HTR7: variants seen among roughly 807,000 people sequenced by gnomAD.
The protein encoded by HTR7 is 5-HT-7.
In HTR7, 16 loss-of-function variants were observed where a neutral mutation model predicts 34.0. The observed-to-expected ratio is 0.47, with a 90% CI of 0.32 to 0.71. The LOEUF is 0.71. HTR7 is among the 30% of genes least tolerant of loss of function. HTR7 has a pLI of 0.04. For synonymous variants in HTR7, 265 were observed against 260.2 expected, an observed-to-expected ratio of 1.02 and a Z score of -0.18; for missense variants, 504 against 625.5, an observed-to-expected ratio of 0.81 and a Z score of 2.07.
At chr10:90,843,610 C>T (rs959030576) in intron 1 of HTR7, among the ~76,000 whole-genome samples, 1 of 151,152 alleles carries the variant, frequency 6.6e-6, no homozygotes, top group Non-Finnish European at 1.5e-5. Context: ...TGCCAAAATA[C>T]GGGGAGGAGA....
At chr10:90,783,090 T>C (rs1031999457) in intron 1 of HTR7, among the ~76,000 whole-genome samples, 1 of 152,224 alleles carries the variant, frequency 6.6e-6, no homozygotes, top group African/African-American at 2.4e-5. Context: ...CAATTACCAT[T>C]TGCATCTACT....
intron 1 of HTR7, among the ~76,000 whole-genome samples, chr10:90,773,381 T>G (rs1191203701): frequency 6.6e-6 from 1 of 152,202 alleles, no homozygotes; most frequent in Non-Finnish European, 1.5e-5. Context: ...TAGGATATTC[T>G]AATACAGACA....
At chr10:90,763,077 G>A (rs756561659) in intron 1 of HTR7, among the ~76,000 whole-genome samples, 3 of 152,034 alleles carry the variant, frequency 2.0e-5, no homozygotes, top group East Asian at 1.9e-4. Flanking sequence ...GTGATGCCTC[G>A]AGCTTTATTC....
chr10:90,793,006 A>G (rs760462352), intron 1 of HTR7, among the ~76,000 whole-genome samples: 7 of 152,174 alleles, frequency 4.6e-5, no homozygotes, highest in Non-Finnish European at 1.0e-4. Flanking sequence ...GACTTCTTGG[A>G]TATGACACCA....
chr10:90,788,246 C>T (rs1845411199), intron 1 of HTR7, among the ~76,000 whole-genome samples: 1 of 152,072 alleles, frequency 6.6e-6, no homozygotes, highest in African/African-American at 2.4e-5. Flanking sequence ...GATCTGATAA[C>T]CCCCCAGATT....
intron 1 of HTR7, among the ~76,000 whole-genome samples, chr10:90,779,983 C>G (rs1845280813): frequency 6.6e-6 from 1 of 152,152 alleles, no homozygotes; most frequent in Non-Finnish European, 1.5e-5. Flanking sequence ...TGCATGCAGG[C>G]TAGGTTAGAA....
intron 1 of HTR7, among the ~76,000 whole-genome samples, chr10:90,818,856 C>CT (rs1845936564): frequency 1.3e-5 from 2 of 152,198 alleles, no homozygotes; most frequent in Admixed American, 6.5e-5. Context: ...TCCTCCCTTG[C>CT]TGTTCTCATG....
chr10:90,744,470 C>T (rs533355385), intron 2 of HTR7, among the ~76,000 whole-genome samples: 1 of 151,454 alleles, frequency 6.6e-6, no homozygotes, highest in Admixed American at 6.6e-5. Flanking sequence ...ATTTTGATGA[C>T]TCCATTCCCC....
intron 1 of HTR7, among the ~76,000 whole-genome samples, chr10:90,823,801 T>TA (rs1433692201): frequency 6.6e-6 from 1 of 152,200 alleles, no homozygotes; most frequent in Non-Finnish European, 1.5e-5. Context: ...GTTCTCATGA[T>TA]AGAGTTCTCA....
chr10:90,785,904 T>C (rs1032666094), intron 1 of HTR7, among the ~76,000 whole-genome samples: 6 of 152,194 alleles, frequency 3.9e-5, no homozygotes, highest in African/African-American at 1.4e-4. Flanking sequence ...AAAGCAGCCA[T>C]GGTACTGCCA....
intron 1 of HTR7, among the ~76,000 whole-genome samples, chr10:90,769,866 T>C (rs1845079286): frequency 6.6e-6 from 1 of 152,168 alleles, no homozygotes; most frequent in Admixed American, 6.5e-5. Flanking sequence ...TAAATAAAAC[T>C]GAAAATCCCT....
intron 1 of HTR7, among the ~76,000 whole-genome samples, chr10:90,782,974 T>C (rs745815953): frequency 2.0e-5 from 3 of 152,300 alleles, no homozygotes; most frequent in Admixed American, 2.0e-4. Context: ...TAGTTTTTGG[T>C]GGAAGTGCCT....
intron 1 of HTR7, among the ~76,000 whole-genome samples, chr10:90,822,123 G>C (rs1845992773): frequency 6.6e-6 from 1 of 152,194 alleles, no homozygotes; most frequent in Non-Finnish European, 1.5e-5. Flanking sequence ...TTGGAACTGG[G>C]TAATAGGCAG....
chr10:90,824,598 C>A (rs569578873), intron 1 of HTR7, among the ~76,000 whole-genome samples: 8 of 152,334 alleles, frequency 5.3e-5, no homozygotes, highest in African/African-American at 1.9e-4. Flanking sequence ...CAGGCCTTGG[C>A]TCTTGGATTT....
chr10:90,832,589 G>T (rs1303730998), intron 1 of HTR7, among the ~76,000 whole-genome samples: 2 of 152,144 alleles, frequency 1.3e-5, no homozygotes, highest in Admixed American at 6.5e-5. Context: ...TGAGGGAGCT[G>T]GCTCCAGCCT....
chr10:90,846,274 C>A (rs980487903), intron 1 of HTR7, among the ~76,000 whole-genome samples: 1 of 152,058 alleles, frequency 6.6e-6, no homozygotes. Flanking sequence ...TTTGTGTGCC[C>A]ATCACATGAG....
In HTR7 at chr10:90,857,260, C is replaced by T; in HGVS notation, c.412G>A (p.Val138Ile). Residue 138 changes from valine to isoleucine, a missense_variant, in exon 1 of 4, where the codon GTC (valine) becomes ATC (isoleucine). Val to Ile is a conservative substitution (Grantham distance 29, BLOSUM62 3). Around this residue, in one of 4 missense-constraint regions of HTR7, gnomAD observed 154 missense variants for 248.8 expected, o/e 0.62. Transcript: ENST00000336152. The surrounding 1 kb of genome is among the most constrained non-coding windows in gnomAD (Gnocchi z 6.5). ...CCCCCGATGAGGTCGGTGACGCTGACGAAGGGCATGACCGCCACAGCCACC... is the reference window on the plus strand; with the variant it reads ...CCCCCGATGAGGTCGGTGACGCTGATGAAGGGCATGACCGCCACAGCCACC... ...LSVAVAVMPFVSVTDLIGGKW... is the reference protein window; with the variant it reads ...LSVAVAVMPFISVTDLIGGKW... 3 of 1,614,090 alleles carry T rather than the reference C, an allele frequency of 1.9e-6. No homozygotes were observed. The highest frequency in any genetic ancestry group is 2.5e-6 in the Non-Finnish European group (3 of 1,180,036).
intron 1 of HTR7, among the ~76,000 whole-genome samples, chr10:90,838,948 T>C (rs1846288671): frequency 6.6e-6 from 1 of 152,238 alleles, no homozygotes; most frequent in African/African-American, 2.4e-5. Flanking sequence ...CTGTTTATTC[T>C]TACTAGAATA....
Position 90,796,659 on chromosome 10 carries a change from C to T in HTR7, c.540-47065G>A, listed in dbSNP as rs1388585938. ...CCTAGGAGTTTGAGGTTACAGTGAG[C>T]TATGATTGTGCCACTAGAGTCCAGC... On this transcript the variant is annotated intron_variant, in intron 1 of 3. Coordinates refer to ENST00000336152, the MANE Select transcript of HTR7 (RefSeq NM_019859.4). 3.3e-5 allele frequency among the ~76,000 whole-genome samples: 5 copies of T among 152,064 alleles called. No individual in the cohort carries two copies. The East Asian group carries it at 9.6e-4, about 29-fold the overall frequency.
Sources: allele counts gnomAD v4.1 joint callset (sites outside exome capture counted in the v4.1 genomes callset), GRCh38; gene constraint gnomAD v4.1.1; regional missense constraint gnomAD v4.1.1; non-coding constraint Gnocchi (gnomAD v3.1); transcripts MANE v1.5; gene names NCBI Gene and HGNC (gene_info 2026-07-23, HGNC 2026-07-21).